The following TMOD1 variants were observed in gnomAD, a reference collection of about 807,000 sequenced individuals.
The protein encoded by TMOD1 is tropomodulin-1.
A neutral mutation model predicts 40.6 loss-of-function variants in TMOD1; 17 were observed. The observed-to-expected ratio is 0.42, with a 90% confidence interval of 0.29 to 0.63. The LOEUF is 0.63. Among genes scored for constraint, TMOD1 ranks in the 20% least tolerant of loss-of-function variants. The pLI, the probability that TMOD1 is intolerant of heterozygous loss-of-function variation, is 0.22. For synonymous variants in TMOD1, 181 were observed against 175.0 expected (o/e 1.03, Z -0.27); for missense variants, 391 against 447.6 (o/e 0.87, Z 1.14).
chr9:97,517,241 T>A (rs1436916510), intron 1 of TMOD1, among the ~76,000 whole-genome samples: 1 of 151,880 alleles, frequency 6.6e-6, no homozygotes. Context: ...TCCCAGCTAC[T>A]CGAGAGGCTG....
At chr9:97,509,354 T>G (rs1829655473) in intron 1 of TMOD1, among the ~76,000 whole-genome samples, 1 of 152,186 alleles carries the variant, frequency 6.6e-6, no homozygotes, top group Non-Finnish European at 1.5e-5. Flanking sequence ...AAAGCTTCTA[T>G]TATAAGGTAC....
In TMOD1 at chr9:97,600,932, A is replaced by G; in HGVS notation, c.*1234A>G. On this transcript the variant is annotated 3_prime_UTR_variant, in exon 10 of 10. Coordinates refer to ENST00000259365, the MANE Select transcript of TMOD1 (RefSeq NM_003275.4). Reference sequence around the variant, plus strand: ...AATATTTTTGTTTGTTGCTTTTGGGAGTTATTTTCATTAGTGATTTCAGCA... The same window carrying G: ...AATATTTTTGTTTGTTGCTTTTGGGGGTTATTTTCATTAGTGATTTCAGCA... The G allele has an allele frequency of 8.8e-7, 1 of 1,140,526 alleles. No homozygotes were observed. 70.7% of individuals were successfully genotyped at this position (1,140,526 alleles called of 1,614,324 possible).
intron 6 of TMOD1, among the ~76,000 whole-genome samples, chr9:97,565,219 T>C (rs770469013): frequency 2.0e-4 from 31 of 152,226 alleles, no homozygotes; most frequent in Non-Finnish European, 3.5e-4. Context: ...ACTGTGAGCC[T>C]GTTGGACCAG....
chr9:97,549,562 C>T (rs999375531), intron 3 of TMOD1, among the ~76,000 whole-genome samples: 3 of 152,084 alleles, frequency 2.0e-5, no homozygotes, highest in African/African-American at 7.2e-5. Flanking sequence ...TTTCTGGATC[C>T]CTGGAATCTG....
Position 97,600,331 on chromosome 9 carries a change from A to G in TMOD1, c.*633A>G, listed in dbSNP as rs1353445397. ...TGCAGAAATGATAGGAAAAAAACCAATGGTGAAATTTCAAGTTTCAAAAAC... is the reference window on the plus strand; with the variant it reads ...TGCAGAAATGATAGGAAAAAAACCAGTGGTGAAATTTCAAGTTTCAAAAAC... On this transcript the variant is annotated 3_prime_UTR_variant, in exon 10 of 10. Transcript: ENST00000259365. 2.0e-6 allele frequency: 2 copies of G among 985,964 alleles called. No individual in the cohort carries two copies. The highest frequency in any genetic ancestry group is 2.4e-6 in the Non-Finnish European group (2 of 830,154). 61.1% of individuals were successfully genotyped at this position (985,964 alleles called of 1,614,324 possible). A position where few individuals can be genotyped will look rare whatever the true frequency, so the allele number is the denominator to read the frequency against.
At chr9:97,594,048 C>CT (rs1826054175) in intron 9 of TMOD1, among the ~76,000 whole-genome samples, 1 of 152,072 alleles carries the variant, frequency 6.6e-6, no homozygotes. Context: ...AGCCCAAGGC[C>CT]TTTAATGTCA....
chr9:97,590,191 ACT>A, intron 8 of TMOD1, among the ~76,000 whole-genome samples: 1 of 148,414 alleles, frequency 6.7e-6, no homozygotes, highest in African/African-American at 2.5e-5. Flanking sequence ...TATCTGAGCA[ACT>A]CTCTATGAAT....
chr9:97,574,876 G>A (rs1830897363), intron 8 of TMOD1, among the ~76,000 whole-genome samples: 1 of 152,188 alleles, frequency 6.6e-6, no homozygotes, highest in African/African-American at 2.4e-5. Flanking sequence ...GAGAACTTTT[G>A]TGTCTAGCTC....
intron 8 of TMOD1, among the ~76,000 whole-genome samples, chr9:97,580,624 G>T (rs1444736601): frequency 1.3e-5 from 2 of 151,334 alleles, no homozygotes; most frequent in Admixed American, 1.3e-4. Context: ...AAGAAAGAGA[G>T]GAAGGAAGGA....
intron 9 of TMOD1, among the ~76,000 whole-genome samples, chr9:97,598,854 AGGCCTCTC>A (rs1323206912): frequency 1.3e-5 from 2 of 152,166 alleles, no homozygotes; most frequent in Non-Finnish European, 2.9e-5. Flanking sequence ...CAACACCAGC[AGGCCTCTC>A]GACTGCCACC....
In TMOD1 at chr9:97,502,359, A is replaced by G. The variant is rs1312369134; in HGVS notation, c.-49+556A>G. On this transcript the variant is annotated intron_variant, in intron 1 of 9. Coordinates refer to ENST00000259365, the MANE Select transcript of TMOD1 (RefSeq NM_003275.4). The surrounding 1 kb of genome is among the most constrained non-coding windows in gnomAD (Gnocchi z 6.1). Reference sequence around the variant, plus strand: ...TGTTTGGGGCAGGTGAAGTTTCCCAAACTGGGAGAGACAAGGTTTAAAGCA... The same window carrying G: ...TGTTTGGGGCAGGTGAAGTTTCCCAGACTGGGAGAGACAAGGTTTAAAGCA... Among the ~76,000 whole-genome samples, 1 of 152,132 alleles carries G rather than the reference A, an allele frequency of 6.6e-6. No individual in the cohort carries two copies. The highest frequency in any genetic ancestry group is 1.5e-5 in the Non-Finnish European group (1 of 68,010).
At chr9:97,569,129 C>A in intron 8 of TMOD1, 92 bp downstream of exon 8, 3 of 1,520,742 alleles carry the variant, frequency 2.0e-6, no homozygotes, top group South Asian at 1.2e-5. Flanking sequence ...GCTGAGAATG[C>A]TGATGATAGA....
chr9:97,549,358 A>C (rs930162358), intron 3 of TMOD1, among the ~76,000 whole-genome samples: 1 of 152,144 alleles, frequency 6.6e-6, no homozygotes, highest in African/African-American at 2.4e-5. Flanking sequence ...TGCCACTAGT[A>C]AGATGAAGGG....
At chr9:97,566,723 A>G (rs1046793986) in intron 7 of TMOD1, among the ~76,000 whole-genome samples, 3 of 152,212 alleles carry the variant, frequency 2.0e-5, no homozygotes, top group Admixed American at 2.0e-4. Context: ...TGATGGTTTC[A>G]TCAGCAGGTC....
At chr9:97,554,383 C>T (rs1830503162) in intron 4 of TMOD1, among the ~76,000 whole-genome samples, 1 of 152,086 alleles carries the variant, frequency 6.6e-6, no homozygotes, top group Admixed American at 6.6e-5. Context: ...AGTTTACAAC[C>T]TGTGGCACTT....
rs1830736657 is a variant in TMOD1, at chr9:97,566,848, G to T, written c.726+893G>T. ...TTTAAACATCCAGCACATATGTATT[G>T]AGAGTCTCTCTGTGCCCAACGCTGA... On this transcript the variant is annotated intron_variant, in intron 7 of 9. Coordinates refer to ENST00000259365, the MANE Select transcript of TMOD1 (RefSeq NM_003275.4). Among the ~76,000 whole-genome samples, 3 of 105,020 alleles carry T rather than the reference G, an allele frequency of 2.9e-5. No individual in the cohort carries two copies. In the Admixed American group the frequency reaches 3.5e-4, roughly 12 times the overall value. The allele number at this position is 105,020 out of a possible 152,430, so 68.9% of individuals were successfully genotyped here.
chr9:97,590,277 G>T (rs1378091448), intron 8 of TMOD1, among the ~76,000 whole-genome samples: 1 of 151,778 alleles, frequency 6.6e-6, no homozygotes, highest in Non-Finnish European at 1.5e-5. Context: ...GGGCTGGAGG[G>T]CAGTGGCACA....
At chr9:97,555,855 C>T (rs1047955408) in intron 4 of TMOD1, 41 of 714,628 alleles carry the variant, frequency 5.7e-5, no homozygotes, top group Non-Finnish European at 9.1e-5. Flanking sequence ...ACCCAGGCAA[C>T]TTCATTCTAG....
intron 7 of TMOD1, among the ~76,000 whole-genome samples, chr9:97,566,407 A>T (rs1234759387): frequency 1.9e-4 from 29 of 152,136 alleles, no homozygotes; most frequent in Admixed American, 1.9e-3. Context: ...GCAGTGGCTC[A>T]CACCTGCAAT....
Sources: gnomAD v4.1 joint callset for allele counts (sites outside exome capture counted in the v4.1 genomes callset) on GRCh38, gnomAD v4.1.1 for gene constraint, Gnocchi (gnomAD v3.1) non-coding constraint, MANE v1.5 for transcripts, NCBI Gene and HGNC (gene_info 2026-07-23, HGNC 2026-07-21) for gene names.